CDH13: variants seen among roughly 807,000 people sequenced by gnomAD.
CDH13 encodes the protein cadherin-13.
In CDH13, 24 loss-of-function variants were observed where a neutral mutation model predicts 63.8. The ratio of observed to expected loss-of-function variants is 0.38; its 90% CI spans 0.27 to 0.53. The LOEUF is 0.53. Ranked by LOEUF, CDH13 falls within the 20% of genes least tolerant of loss-of-function variation. CDH13 has a pLI of 0.85. For synonymous variants in CDH13, 503 were observed against 355.3 expected, an observed-to-expected ratio of 1.42 and a Z score of -4.67; for missense variants, 1,049 against 903.1, an observed-to-expected ratio of 1.16 and a Z score of -2.07.
intron 4 of CDH13, among the ~76,000 whole-genome samples, chr16:83,150,781 A>T (rs574148459): frequency 6.6e-6 from 1 of 152,356 alleles, no homozygotes; most frequent in East Asian, 1.9e-4. Context: ...TTGATGAGGA[A>T]TGCTTGAGCT....
chr16:82,694,096 C>T (rs1176103219), intron 1 of CDH13, among the ~76,000 whole-genome samples: 1 of 152,202 alleles, frequency 6.6e-6, no homozygotes, highest in Non-Finnish European at 1.5e-5. Context: ...CAGTGCCTGG[C>T]ACTTAGTAGG....
chr16:82,887,246 G>A (rs2040920945), intron 2 of CDH13, among the ~76,000 whole-genome samples: 1 of 152,320 alleles, frequency 6.6e-6, no homozygotes, highest in South Asian at 2.1e-4. Flanking sequence ...CAGCTGGCCT[G>A]TGTTGTGACT....
At chr16:83,766,727 T>A (rs1463293220) in intron 11 of CDH13, among the ~76,000 whole-genome samples, 1 of 152,218 alleles carries the variant, frequency 6.6e-6, no homozygotes, top group African/African-American at 2.4e-5. Flanking sequence ...TGATATGGTT[T>A]GGCTGTGTCC....
intron 2 of CDH13, among the ~76,000 whole-genome samples, chr16:83,027,697 C>G (rs1355131378): frequency 1.3e-5 from 2 of 152,176 alleles, no homozygotes; most frequent in East Asian, 1.9e-4. Context: ...GGGAGCAGAG[C>G]TGTGTGGCCC....
chr16:82,671,375 T>G (rs901060401), intron 1 of CDH13, among the ~76,000 whole-genome samples: 1 of 152,236 alleles, frequency 6.6e-6, no homozygotes, highest in Non-Finnish European at 1.5e-5. Flanking sequence ...ACCTTGGTCA[T>G]GTAAGCCAAT....
At position 83,058,613 on chromosome 16, in the gene CDH13, C is replaced by T. The variant is rs1043512393; in HGVS notation, c.366+26395C>T. On this transcript the variant is annotated intron_variant, in intron 3 of 13. Transcript: ENST00000567109. Reference sequence around the variant, plus strand: ...CCACTCCTGAGCTCCCCTGACCACACAGGAAGAAAACATTAATGATGTTCC... The same window carrying T: ...CCACTCCTGAGCTCCCCTGACCACATAGGAAGAAAACATTAATGATGTTCC... Among the ~76,000 whole-genome samples the T allele has an allele frequency of 1.4e-4, 21 of 152,296 alleles. 1 individual carries two copies. Among genetic ancestry groups the T allele is most frequent in the Admixed American group, 1.3e-3 (20 of 15,304 alleles).
At chr16:82,885,195 C>G (rs2040841495) in intron 2 of CDH13, among the ~76,000 whole-genome samples, 1 of 152,106 alleles carries the variant, frequency 6.6e-6, no homozygotes, top group Admixed American at 6.6e-5. Flanking sequence ...ACTCTTATGG[C>G]TTTGCATTGT....
intron 1 of CDH13, among the ~76,000 whole-genome samples, chr16:82,840,357 A>C (rs2038953301): frequency 6.8e-6 from 1 of 148,110 alleles, no homozygotes; most frequent in Admixed American, 6.9e-5. Context: ...TGGGCTAAAG[A>C]GGGAGGGCCT....
chr16:83,504,408 T>C (rs1259343674), intron 7 of CDH13, among the ~76,000 whole-genome samples: 3 of 152,204 alleles, frequency 2.0e-5, no homozygotes, highest in African/African-American at 4.8e-5. Flanking sequence ...GCAACTTTCC[T>C]ATGAAAGAGA....
chr16:83,284,917 C>T (rs2089270842), intron 5 of CDH13, among the ~76,000 whole-genome samples: 1 of 152,134 alleles, frequency 6.6e-6, no homozygotes, highest in Non-Finnish European at 1.5e-5. Context: ...TGGATAGGTT[C>T]TCTTGAGCTG....
At chr16:83,656,535 G>A (rs928234905) in intron 8 of CDH13, among the ~76,000 whole-genome samples, 6 of 152,144 alleles carry the variant, frequency 3.9e-5, no homozygotes, top group South Asian at 4.2e-4. Context: ...GGTGCTGACT[G>A]ATGAAGAGCT....
chr16:83,263,826 C>G (rs1430994108), intron 5 of CDH13, among the ~76,000 whole-genome samples: 1 of 152,116 alleles, frequency 6.6e-6, no homozygotes, highest in South Asian at 2.1e-4. Context: ...ATGTGTACTA[C>G]AGGTTGACGG....
chr16:82,906,736 C>T (rs932731531), intron 2 of CDH13, among the ~76,000 whole-genome samples: 3 of 152,148 alleles, frequency 2.0e-5, no homozygotes, highest in Admixed American at 6.5e-5. Context: ...GTACTCCCTC[C>T]GAAGGCTCCA....
Position 83,671,080 on chromosome 16 carries a change from T to G in CDH13, c.1284+108T>G. On this transcript the variant is annotated intron_variant, in intron 9 of 13. Transcript: ENST00000567109. ...GAAGGCCACAGATAAATTCCCCCAG[T>G]CTCCTCCTTCTGGGAATTAACAAAG... is the stretch of plus-strand genomic sequence containing the variant. 5 of 924,394 alleles carry G rather than the reference T, an allele frequency of 5.4e-6. No homozygotes were observed. The South Asian group carries it at 9.8e-5, about 18-fold the overall frequency. 57.3% of individuals were successfully genotyped at this position (924,394 alleles called of 1,614,324 possible).
chr16:83,017,638 G>A (rs943488315), intron 2 of CDH13, among the ~76,000 whole-genome samples: 1 of 152,132 alleles, frequency 6.6e-6, no homozygotes, highest in Non-Finnish European at 1.5e-5. Context: ...TATAGAAAAT[G>A]CTTCATAAAT....
chr16:83,398,637 AAT>A (rs34461139), intron 6 of CDH13, among the ~76,000 whole-genome samples: 151,608 of 152,272 alleles, frequency 1, 75,481 homozygotes, highest in Non-Finnish European at 1. Flanking sequence ...GTAGACCTGG[AAT>A]ATGGGGCCTG....
chr16:83,349,453 A>G (rs1049233528), intron 6 of CDH13, among the ~76,000 whole-genome samples: 1 of 152,258 alleles, frequency 6.6e-6, no homozygotes, highest in Non-Finnish European at 1.5e-5. Context: ...GAGGAATGGC[A>G]TGTCAGGCTC....
intron 8 of CDH13, among the ~76,000 whole-genome samples, chr16:83,619,372 A>G (rs1396446772): frequency 6.6e-6 from 1 of 152,216 alleles, no homozygotes; most frequent in Non-Finnish European, 1.5e-5. Flanking sequence ...GGCACTTGGC[A>G]TGGAGCTCAG....
chr16:82,923,721 A>C (rs2042224436), intron 2 of CDH13, among the ~76,000 whole-genome samples: 1 of 152,242 alleles, frequency 6.6e-6, no homozygotes, highest in Non-Finnish European at 1.5e-5. Flanking sequence ...ACATGCAGTG[A>C]AGCGGCTCTT....
Sources: gnomAD v4.1 joint callset for allele counts (sites outside exome capture counted in the v4.1 genomes callset) on GRCh38, gnomAD v4.1.1 for gene constraint, MANE v1.5 for transcripts, NCBI Gene and HGNC (gene_info 2026-07-23, HGNC 2026-07-21) for gene names.